The following CCDC171 variants were observed in gnomAD, a reference collection of about 807,000 sequenced individuals.
CCDC171 encodes coiled-coil domain containing 171, also known as coiled-coil domain-containing protein 171.
A neutral mutation model predicts 168.2 loss-of-function variants in CCDC171; 177 were observed. The ratio of observed to expected loss-of-function variants is 1.05; its 90% CI spans 0.93 to 1.19. CCDC171 has a LOEUF of 1.19. CCDC171 is among the 50% of genes most tolerant of loss of function. The probability of loss-of-function intolerance (pLI) is 0.00; values close to 1 mark genes in which losing one functional copy is unlikely to be tolerated. For synonymous variants in CCDC171, 687 were observed against 540.8 expected, an observed-to-expected ratio of 1.27 and a Z score of -3.75; for missense variants, 1,991 against 1,539.0, an observed-to-expected ratio of 1.29 and a Z score of -4.91.
chr9:16,015,173 T>C (rs1432540389), intron 3 of CCDC171, among the ~76,000 whole-genome samples: 1 of 152,198 alleles, frequency 6.6e-6, no homozygotes, highest in African/African-American at 2.4e-5. Flanking sequence ...AGCTAGATCC[T>C]CTGGATAACT....
intron 7 of CCDC171, among the ~76,000 whole-genome samples, chr9:15,650,364 G>A (rs779933449): frequency 9.9e-5 from 15 of 151,840 alleles, no homozygotes; most frequent in East Asian, 1.9e-4. Flanking sequence ...AAACCTTCAC[G>A]TTGTGCATAT....
chr9:15,890,116 C>A (rs546777079), intron 24 of CCDC171, among the ~76,000 whole-genome samples: 1 of 151,990 alleles, frequency 6.6e-6, no homozygotes, highest in Non-Finnish European at 1.5e-5. Flanking sequence ...GAGCACCTAC[C>A]AAATGTAGGG....
At position 15,616,452 on chromosome 9, in the gene CCDC171, TTACTATATAAAA is replaced by T. The variant is rs1021484783; in HGVS notation, c.676-6800_676-6789del. ...AATTTATTTTACTATTTTATTTATT[TTACTATATAAAA>T]TACTATATAAAATAGTTTCGATCAA... On this transcript the variant is annotated intron_variant, in intron 6 of 25. Coordinates refer to ENST00000380701, the MANE Select transcript of CCDC171 (RefSeq NM_173550.4). Among the ~76,000 whole-genome samples, 73 of 152,074 alleles carry T rather than the reference TTACTATATAAAA, an allele frequency of 4.8e-4. 1 individual carries two copies. The highest frequency in any genetic ancestry group is 1.6e-3 in the African/African-American group (68 of 41,554).
intron 3 of CCDC171, among the ~76,000 whole-genome samples, chr9:15,989,216 GCT>G (rs1832101542): frequency 6.6e-6 from 1 of 152,142 alleles, no homozygotes. Flanking sequence ...GCAGGGTACT[GCT>G]CTGAGACGAA....
chr9:16,035,145 C>T (rs1463944691), intron 6 of CCDC171, among the ~76,000 whole-genome samples: 2 of 152,188 alleles, frequency 1.3e-5, no homozygotes, highest in African/African-American at 2.4e-5. Flanking sequence ...GTTTTGACTG[C>T]AGCTCTCAGC....
intron 16 of CCDC171, among the ~76,000 whole-genome samples, chr9:15,740,364 G>GCTGTT (rs2054786674): frequency 6.7e-6 from 1 of 149,186 alleles, no homozygotes; most frequent in Non-Finnish European, 1.5e-5. Flanking sequence ...TCTGTTTCTA[G>GCTGTT]CTGTTCTGTT....
At chr9:15,630,414 C>G (rs1460642271) in intron 7 of CCDC171, among the ~76,000 whole-genome samples, 5 of 152,026 alleles carry the variant, frequency 3.3e-5, no homozygotes, top group African/African-American at 4.8e-5. Flanking sequence ...CAACAAAGAT[C>G]AAAAGAGACA....
intron 9 of CCDC171, among the ~76,000 whole-genome samples, chr9:15,670,680 A>G (rs1268561787): frequency 6.6e-6 from 1 of 152,098 alleles, no homozygotes; most frequent in African/African-American, 2.4e-5. Context: ...TGGGTTCAGC[A>G]TACTTTATTT....
At chr9:15,820,936 A>C (rs183572471) in intron 21 of CCDC171, among the ~76,000 whole-genome samples, 1 of 117,456 alleles carries the variant, frequency 8.5e-6, no homozygotes, top group East Asian at 2.1e-4. Flanking sequence ...AAAAATCCTC[A>C]ATAAAATACT....
intron 10 of CCDC171, among the ~76,000 whole-genome samples, chr9:15,681,152 C>T (rs948226817): frequency 2.6e-5 from 4 of 152,064 alleles, no homozygotes; most frequent in Non-Finnish European, 1.5e-5. Flanking sequence ...CGTCTGCACT[C>T]GTTGTATTCA....
At chr9:15,853,675 T>A (rs2061230421) in intron 23 of CCDC171, among the ~76,000 whole-genome samples, 1 of 151,668 alleles carries the variant, frequency 6.6e-6, no homozygotes. Context: ...TTCTTCTTAA[T>A]CTTAAGGGGA....
chr9:15,644,128 T>G (rs991353422), intron 7 of CCDC171, among the ~76,000 whole-genome samples: 3 of 152,238 alleles, frequency 2.0e-5, no homozygotes, highest in African/African-American at 7.2e-5. Flanking sequence ...CTATGTTTAA[T>G]TTTTTGAGCA....
intron 7 of CCDC171, among the ~76,000 whole-genome samples, chr9:15,641,848 TGATAACTTTGTGTTA>T (rs1428537672): frequency 6.6e-6 from 1 of 152,204 alleles, no homozygotes; most frequent in East Asian, 1.9e-4. Context: ...ACAAAATATG[TGATAACTTTGTGTTA>T]CATACAGAAC....
At chr9:15,764,508 G>A (rs1405428381) in intron 18 of CCDC171, among the ~76,000 whole-genome samples, 8 of 152,106 alleles carry the variant, frequency 5.3e-5, no homozygotes, top group Non-Finnish European at 1.0e-4. Context: ...AGAAAGATAG[G>A]AATCAAGAAT....
intron 9 of CCDC171, among the ~76,000 whole-genome samples, chr9:15,670,547 C>T (rs2049038557): frequency 6.6e-6 from 1 of 152,014 alleles, no homozygotes; most frequent in Non-Finnish European, 1.5e-5. Flanking sequence ...CATAGTATGC[C>T]ATTTTTTTCA....
At chr9:15,722,595 C>CA (rs2053555464) in intron 12 of CCDC171, among the ~76,000 whole-genome samples, 1 of 152,138 alleles carries the variant, frequency 6.6e-6, no homozygotes, top group Non-Finnish European at 1.5e-5. Context: ...AAGCAACAAA[C>CA]AGATTGTTAG....
intron 8 of CCDC171, among the ~76,000 whole-genome samples, chr9:15,659,199 G>C (rs1212041968): frequency 6.6e-6 from 1 of 152,178 alleles, no homozygotes; most frequent in East Asian, 1.9e-4. Context: ...TTTGTGAACA[G>C]ATCCTTTCTT....
chr9:15,938,491 C>T (rs1286844002), intron 25 of CCDC171, among the ~76,000 whole-genome samples: 2 of 151,724 alleles, frequency 1.3e-5, no homozygotes, highest in Non-Finnish European at 2.9e-5. Context: ...CACAAATTCA[C>T]TGGGTCTATG....
At chr9:15,578,230 TTTC>T (rs1361930265) in intron 3 of CCDC171, among the ~76,000 whole-genome samples, 5 of 151,358 alleles carry the variant, frequency 3.3e-5, no homozygotes, top group African/African-American at 7.3e-5. Flanking sequence ...GTATGAATAT[TTTC>T]TTTTCTTTAT....
Sources: gnomAD v4.1 joint callset for allele counts (sites outside exome capture counted in the v4.1 genomes callset) on GRCh38, gnomAD v4.1.1 for gene constraint, MANE v1.5 for transcripts, NCBI Gene and HGNC (gene_info 2026-07-23, HGNC 2026-07-21) for gene names.